COL4A4: variants seen among roughly 807,000 people sequenced by gnomAD.
COL4A4 encodes the protein collagen alpha-4(IV) chain.
A neutral mutation model predicts 192.9 loss-of-function variants in COL4A4; 105 were observed. The observed-to-expected ratio is 0.54, with a 90% CI of 0.46 to 0.64. COL4A4 has a LOEUF of 0.64. COL4A4 is among the 30% of genes least tolerant of loss of function. The probability of loss-of-function intolerance (pLI) is 0.00; values close to 1 mark genes in which losing one functional copy is unlikely to be tolerated. For synonymous variants in COL4A4, 762 were observed against 769.9 expected, an observed-to-expected ratio of 0.99 and a Z score of 0.17; for missense variants, 1,967 against 2,169.3, an observed-to-expected ratio of 0.91 and a Z score of 1.85.
At chr2:227,051,422 G>A (rs1364268827) in intron 32 of COL4A4, among the ~76,000 whole-genome samples, 1 of 152,174 alleles carries the variant, frequency 6.6e-6, no homozygotes, top group African/African-American at 2.4e-5. Context: ...AAATGAAGAA[G>A]CACTTACCCA....
At chr2:227,027,652 G>T (rs1217050629) in intron 42 of COL4A4, among the ~76,000 whole-genome samples, 1 of 141,350 alleles carries the variant, frequency 7.1e-6, no homozygotes, top group East Asian at 2.0e-4. Context: ...TATATATATA[G>T]AAAAAAATTA....
chr2:227,111,386 AG>A lies in COL4A4; in HGVS notation c.594+291del, dbSNP rs113867375. Among the ~76,000 whole-genome samples the A allele has an allele frequency of 6.6e-4, 101 of 152,318 alleles. 1 individual carries two copies. Among genetic ancestry groups the A allele is most frequent in the African/African-American group, 2.3e-3 (96 of 41,558 alleles). Reference sequence around the variant, plus strand: ...AATATTAAGTGGCTGCATATACCTGAGTAATGTCACGAGATCATTAGAAGAC... The same window carrying A: ...AATATTAAGTGGCTGCATATACCTGATAATGTCACGAGATCATTAGAAGAC... On this transcript the variant is annotated intron_variant, in intron 9 of 47. Coordinates refer to ENST00000396625, the MANE Select transcript of COL4A4 (RefSeq NM_000092.5).
chr2:227,160,468 C>A (rs1473042459), intron 1 of COL4A4, among the ~76,000 whole-genome samples: 1 of 152,094 alleles, frequency 6.6e-6, no homozygotes. Context: ...ACATTCTCTT[C>A]CCCTTCTGAG....
the COL4A4 span, chr2:226,995,511 G>T: frequency 4.3e-6 from 7 of 1,609,202 alleles, no homozygotes; most frequent in South Asian, 3.3e-5. Context: ...TCACAGATTC[G>T]ATAGCCAGTG....
chr2:227,131,805 T>G (rs558980310), intron 4 of COL4A4, among the ~76,000 whole-genome samples: 17 of 152,142 alleles, frequency 1.1e-4, no homozygotes, highest in Non-Finnish European at 1.8e-4. Flanking sequence ...GAGATTGATG[T>G]GGACACATAG....
In COL4A4 at chr2:227,051,213, G is replaced by A. The variant is rs1437830489; in HGVS notation, c.2969-55C>T. 2.6e-6 allele frequency: 4 copies of A among 1,567,814 alleles called. No individual in the cohort carries two copies. The African/African-American group carries it at 5.4e-5, about 21-fold the overall frequency. ...TGCTGAAATTTTGAGCTAGGTAATA[G>A]TTAAGCTGAGGGACCTGGTCCTACT... On this transcript the variant is annotated intron_variant, in intron 32 of 47. Transcript: ENST00000396625.
At position 227,111,707 on chromosome 2, in the gene COL4A4, T is replaced by C; in HGVS notation, c.565A>G (p.Arg189Gly). 6.2e-7 allele frequency: 1 copy of C among 1,614,116 alleles called. No individual in the cohort carries two copies. The highest frequency in any genetic ancestry group is 8.5e-7 in the Non-Finnish European group (1 of 1,179,948). The part of the protein sequence containing the change: ...LGAVKGIQGD[R>G]GDPGLPGLPG... ...AAGCCAGGCAGTCCTGGGTCCCCTC[T>C]GTCTCCCTGCAAAAATAAGAATGCA... Residue 189 changes from arginine (R) to glycine (G), a missense_variant, in exon 9 of 48, where the codon AGA (arginine) becomes GGA (glycine). Coordinates refer to ENST00000396625, the MANE Select transcript of COL4A4 (RefSeq NM_000092.5).
chr2:227,041,820 GAA>G lies in COL4A4; in HGVS notation c.3505+326_3505+327del, dbSNP rs1282649152. On this transcript the variant is annotated intron_variant, in intron 37 of 47. Transcript: ENST00000396625. ...AGAAAGAAAGGAAGAAAGAAAGAAA[GAA>G]AGAAAGAAAGAAAGAAAGAAAGAAA... is the stretch of plus-strand genomic sequence containing the variant. Among the ~76,000 whole-genome samples the G allele has an allele frequency of 8.2e-3, 307 of 37,514 alleles. 4 individuals are homozygous for G. Among genetic ancestry groups the G allele is most frequent in the East Asian group, 0.02 (34 of 1,666 alleles). 24.6% of individuals were successfully genotyped at this position (37,514 alleles called of 152,430 possible). A position where few individuals can be genotyped will look rare whatever the true frequency, so the allele number is the denominator to read the frequency against.
At chr2:227,039,912 G>A (rs1405384375) in intron 37 of COL4A4, among the ~76,000 whole-genome samples, 3 of 152,198 alleles carry the variant, frequency 2.0e-5, no homozygotes, top group Non-Finnish European at 4.4e-5. Context: ...ACGGAGAACA[G>A]TACAAAGATG....
chr2:227,052,879 A>G (rs1974428693), intron 31 of COL4A4, among the ~76,000 whole-genome samples: 1 of 152,184 alleles, frequency 6.6e-6, no homozygotes, highest in African/African-American at 2.4e-5. Flanking sequence ...GAAAGGTAGG[A>G]AGGGCATACC....
At chr2:227,002,030 GCAC>G (rs1433594415), downstream of COL4A4, among the ~76,000 whole-genome samples, 1 of 151,900 alleles carries the variant, frequency 6.6e-6, no homozygotes, top group Non-Finnish European at 1.5e-5. Flanking sequence ...AATTAACCAG[GCAC>G]AGTAGCACAT....
intron 22 of COL4A4, among the ~76,000 whole-genome samples, chr2:227,085,086 G>A (rs1046640061): frequency 2.6e-5 from 4 of 151,538 alleles, no homozygotes; most frequent in Admixed American, 2.6e-4. Flanking sequence ...AGCTGAGATT[G>A]CACCATTGCA....
In COL4A4 at chr2:227,051,054, G is replaced by T. The variant is rs753828699; in HGVS notation, c.3073C>A (p.Pro1025Thr). 3 of 1,614,176 alleles carry T rather than the reference G, an allele frequency of 1.9e-6. No individual in the cohort carries two copies. The South Asian group carries it at 3.3e-5, about 18-fold the overall frequency. The change falls in exon 33 of 48, where the codon CCT (proline) becomes ACT (threonine). Residue 1025 changes from proline (P) to threonine (T), a missense_variant. Coordinates refer to ENST00000396625, the MANE Select transcript of COL4A4 (RefSeq NM_000092.5). Reference protein sequence around the residue: ...GEPGEKGQPGPPGPPGPPGST... With the variant: ...GEPGEKGQPGTPGPPGPPGST... ...CCTGGAGGGCCTGGGGGTCCAGGAG[G>T]CCCTGGCTGACCTTTCTCACCAGGT...
chr2:227,000,974 G>C (rs959722646), downstream of COL4A4, among the ~76,000 whole-genome samples: 2 of 152,102 alleles, frequency 1.3e-5, no homozygotes, highest in African/African-American at 4.8e-5. Flanking sequence ...CCAGGCACGT[G>C]GAATTGTAAG....
chr2:226,988,343 C>T, the COL4A4 span: 1 of 1,549,866 alleles, frequency 6.5e-7, no homozygotes, highest in Non-Finnish European at 8.7e-7. Flanking sequence ...AAAACCAGGT[C>T]ATAAAGAGAC....
At chr2:227,154,370 C>T (rs1413583242) in intron 1 of COL4A4, among the ~76,000 whole-genome samples, 2 of 152,176 alleles carry the variant, frequency 1.3e-5, no homozygotes, top group East Asian at 1.9e-4. Context: ...AAAACAAATA[C>T]ACCCTGCTGG....
At chr2:227,059,332 T>C (rs1976288069) in intron 28 of COL4A4, 73 bp downstream of exon 28, 7 of 1,276,650 alleles carry the variant, frequency 5.5e-6, no homozygotes, top group Non-Finnish European at 8.0e-6. Flanking sequence ...CAAAATAATC[T>C]AAACGTTCTT....
Position 227,083,988 on chromosome 2 carries a change from A to G in COL4A4, c.1624-1801T>C, listed in dbSNP as rs563323157. ...GGAAGCCATTTCATGCAGAGAAAAA[A>G]AGTATGTCCACACATAACTCAATAT... On this transcript the variant is annotated intron_variant, in intron 22 of 47. Coordinates refer to ENST00000396625, the MANE Select transcript of COL4A4 (RefSeq NM_000092.5). Among the ~76,000 whole-genome samples the G allele has an allele frequency of 2.6e-5, 4 of 152,238 alleles. No individual in the cohort carries two copies. The South Asian group carries it at 8.3e-4, about 31-fold the overall frequency.
the COL4A4 span, among the ~76,000 whole-genome samples, chr2:226,985,893 G>A: frequency 2.6e-4 from 39 of 152,352 alleles, no homozygotes; most frequent in African/African-American, 8.7e-4. Context: ...GTAACTCTTA[G>A]TGGCAAAGGC....
Sources: gnomAD v4.1 joint callset for allele counts (sites outside exome capture counted in the v4.1 genomes callset) on GRCh38, gnomAD v4.1.1 for gene constraint, MANE v1.5 for transcripts, NCBI Gene and HGNC (gene_info 2026-07-23, HGNC 2026-07-21) for gene names.